ACTN1: variants seen among roughly 807,000 people sequenced by gnomAD.
ACTN1 encodes actinin alpha 1.
ACTN1 carries 30 observed loss-of-function variants against 119.6 expected under a neutral mutation model. That is an observed-to-expected ratio of 0.25 (90% confidence interval 0.19 to 0.34). ACTN1 has a LOEUF of 0.34. Among genes scored for constraint, ACTN1 ranks in the 10% least tolerant of loss-of-function variants. The pLI is 1.00. For synonymous variants in ACTN1, 429 were observed against 472.6 expected, an observed-to-expected ratio of 0.91 and a Z score of 1.20; for missense variants, 764 against 1,223.4, an observed-to-expected ratio of 0.62 and a Z score of 5.60.
chr14:68,931,234 G>A (rs1374641106), intron 1 of ACTN1, among the ~76,000 whole-genome samples: 1 of 152,216 alleles, frequency 6.6e-6, no homozygotes, highest in African/African-American at 2.4e-5. Flanking sequence ...AAATCCAGGG[G>A]ACCGCAGCCA....
At position 68,882,738 on chromosome 14, in the gene ACTN1, A is replaced by G; in HGVS notation, c.1818+135T>C. 2.0e-6 allele frequency: 3 copies of G among 1,504,816 alleles called. No homozygotes were observed. Among genetic ancestry groups the G allele is most frequent in the Non-Finnish European group, 2.7e-6 (3 of 1,107,506 alleles). 93.2% of individuals were successfully genotyped at this position (1,504,816 alleles called of 1,614,324 possible). A position where few individuals can be genotyped will look rare whatever the true frequency, so the allele number is the denominator to read the frequency against. ...GTCAACCTGTTCTGGAAACCCAGTC[A>G]TTTGACATTTGGACAAACAATGAGT... is the stretch of plus-strand genomic sequence containing the variant. On this transcript the variant is annotated intron_variant, in intron 15 of 21. Coordinates refer to ENST00000394419, the MANE Select transcript of ACTN1 (RefSeq NM_001130004.2). The surrounding 1 kb of genome is among the most constrained non-coding windows in gnomAD (Gnocchi z 4.5).
chr14:68,936,824 C>G (rs1175370239), intron 1 of ACTN1: 1 of 600,980 alleles, frequency 1.7e-6, no homozygotes, highest in African/African-American at 1.9e-5. Context: ...AATCCCAGAA[C>G]TGCTTCTGAT....
Position 68,874,974 on chromosome 14 carries a change from T to G in ACTN1, c.2630A>C (p.Asp877Ala), listed in dbSNP as rs1397466775. The part of the protein sequence containing the change: ...MDELRRELPP[D>A]QAEYCIARMA... ...CCGCGCGATGCAGTACTCAGCCTGG[T>G]CGGGTGGCAGCTCGCGGCGCAGCTC... The change falls in exon 22 of 22, where the codon GAC becomes GCC. Residue 877 changes from aspartate to alanine, a missense_variant. Asp to Ala is a moderately radical substitution (Grantham distance 126). Transcript: ENST00000394419. 7.4e-6 allele frequency: 12 copies of G among 1,613,636 alleles called. No homozygotes were observed. Among genetic ancestry groups the G allele is most frequent in the Non-Finnish European group, 1.0e-5 (12 of 1,180,002 alleles).
At chr14:68,926,590 C>A (rs962101368) in intron 1 of ACTN1, among the ~76,000 whole-genome samples, 1 of 152,224 alleles carries the variant, frequency 6.6e-6, no homozygotes. Flanking sequence ...GACTTCTCTG[C>A]ACCAAATGGC....
intron 1 of ACTN1, among the ~76,000 whole-genome samples, chr14:68,971,862 C>T (rs530000106): frequency 6.6e-6 from 1 of 152,320 alleles, no homozygotes; most frequent in South Asian, 2.1e-4. Context: ...CGCCCGATTT[C>T]CATCTTTGGC....
At chr14:68,896,779 C>T (rs566173501) in intron 8 of ACTN1, among the ~76,000 whole-genome samples, 2 of 152,260 alleles carry the variant, frequency 1.3e-5, no homozygotes, top group South Asian at 4.1e-4. Flanking sequence ...CAAGAAGAAC[C>T]AGGTGCCCTG....
intron 11 of ACTN1, chr14:68,886,370 C>T (rs1021546835): frequency 2.0e-5 from 3 of 152,330 alleles, no homozygotes; most frequent in Admixed American, 1.3e-4. Context: ...TTCTTTAAAA[C>T]AGAATGGTAA....
rs866545374 is a variant in ACTN1 at position 68,925,341 on chromosome 14, T to A, written c.220+217A>T. On this transcript the variant is annotated intron_variant, in intron 2 of 21. Transcript: ENST00000394419. The surrounding 1 kb of genome is among the most constrained non-coding windows in gnomAD (Gnocchi z 4.3). ...CCCTTTTTTTTTTTTTTTTTTTTTT[T>A]AAAACAAACAAGGATGCTGAAACAA... Among the ~76,000 whole-genome samples the A allele has an allele frequency of 2.2e-3, 278 of 123,906 alleles. 3 individuals are homozygous for A. Among genetic ancestry groups the A allele is most frequent in the South Asian group, 0.02 (88 of 4,396 alleles). The allele number at this position is 123,906 out of a possible 152,430, so 81.3% of individuals were successfully genotyped here.
rs779560260 is a variant in ACTN1, at chr14:68,884,153, G to C, written c.1635+15C>G. 6.2e-7 allele frequency: 1 copy of C among 1,607,354 alleles called. No homozygotes were observed. Among genetic ancestry groups the C allele is most frequent in the Admixed American group, 1.7e-5 (1 of 59,686 alleles). ...CCAGGGGAGCCAGCCTCCGGGGAGT[G>C]GAGGTGGGGCTCACCTGGATCTCCT... is the stretch of plus-strand genomic sequence containing the variant. On this transcript the variant is annotated intron_variant, in intron 14 of 21. Coordinates refer to ENST00000394419, the MANE Select transcript of ACTN1 (RefSeq NM_001130004.2).
rs562309021 is a variant in ACTN1 at position 68,903,809 on chromosome 14, C to A, written c.676+846G>T. 2.4e-4 allele frequency among the ~76,000 whole-genome samples: 36 copies of A among 152,254 alleles called. 1 individual carries two copies. The South Asian group carries it at 6.6e-3, about 28-fold the overall frequency. On this transcript the variant is annotated intron_variant, in intron 7 of 21. Transcript: ENST00000394419. ...CCTATGCTCCCAGATGCTTCCCTTC[C>A]CCCCACAGCCCCTGCTCACCCCATC... is the stretch of plus-strand genomic sequence containing the variant.
chr14:68,895,917 C>A (rs927856575), intron 8 of ACTN1, among the ~76,000 whole-genome samples: 3 of 152,138 alleles, frequency 2.0e-5, no homozygotes, highest in Non-Finnish European at 4.4e-5. Context: ...GGGGGAGATT[C>A]CGGGTGGGCC....
In ACTN1 at chr14:68,885,211, G is replaced by A. The variant is rs570429001; in HGVS notation, c.1385+214C>T. 2.5e-4 allele frequency among the ~76,000 whole-genome samples: 38 copies of A among 152,196 alleles called. 1 individual carries two copies. In the South Asian group the frequency reaches 6.6e-3, roughly 27 times the overall value. ...CTCTGCTCCTGTACTAGCTACAGGC[G>A]AGAACTGGTGGCCTTTAACAGGATG... is the stretch of plus-strand genomic sequence containing the variant. On this transcript the variant is annotated intron_variant, in intron 12 of 21. Coordinates refer to ENST00000394419, the MANE Select transcript of ACTN1 (RefSeq NM_001130004.2). The surrounding 1 kb of genome is among the most constrained non-coding windows in gnomAD (Gnocchi z 5.6).
intron 1 of ACTN1, among the ~76,000 whole-genome samples, chr14:68,950,294 C>CAAAAAAAAA (rs60899029): frequency 8.2e-6 from 1 of 121,524 alleles, no homozygotes; most frequent in Non-Finnish European, 1.8e-5. Flanking sequence ...GTTGTTGTCT[C>CAAAAAAAAA]AAAAAAAAAA....
At chr14:68,950,293 TCAAAA>T (rs1470014667) in intron 1 of ACTN1, among the ~76,000 whole-genome samples, 1 of 27,618 alleles carries the variant, frequency 3.6e-5, no homozygotes, top group African/African-American at 3.0e-4. Flanking sequence ...AGTTGTTGTC[TCAAAA>T]AAAAAAAAAA....
chr14:68,970,804 G>A (rs1385750297), intron 1 of ACTN1, among the ~76,000 whole-genome samples: 1 of 152,150 alleles, frequency 6.6e-6, no homozygotes, highest in Admixed American at 6.5e-5. Flanking sequence ...CCTTCACTGA[G>A]GCCTATGTCC....
intron 1 of ACTN1, among the ~76,000 whole-genome samples, chr14:68,948,196 G>A (rs1224978266): frequency 6.8e-6 from 1 of 148,106 alleles, no homozygotes; most frequent in Non-Finnish European, 1.5e-5. Context: ...AGGCACAACG[G>A]TGACAAAAGC....
At chr14:68,957,552 G>A (rs187080051) in intron 1 of ACTN1, among the ~76,000 whole-genome samples, 4 of 152,308 alleles carry the variant, frequency 2.6e-5, no homozygotes, top group Admixed American at 6.5e-5. Flanking sequence ...CTGAAGCCTC[G>A]CTCTCTATTT....
In ACTN1 at chr14:68,878,698, A is replaced by T; in HGVS notation, c.2362-175T>A. ...AGAAGATGCGAACACACATCGGTGGAAATGTCCAAAGACAGGAGGAAGACA... is the reference window on the plus strand; with the variant it reads ...AGAAGATGCGAACACACATCGGTGGTAATGTCCAAAGACAGGAGGAAGACA... On this transcript the variant is annotated intron_variant, in intron 19 of 21. Coordinates refer to ENST00000394419, the MANE Select transcript of ACTN1 (RefSeq NM_001130004.2). The surrounding 1 kb of genome is among the most constrained non-coding windows in gnomAD (Gnocchi z 4.4). The T allele has an allele frequency of 6.5e-7, 1 of 1,537,730 alleles. No homozygotes were observed. The highest frequency in any genetic ancestry group is 2.4e-5 in the East Asian group (1 of 40,848).
At chr14:68,977,799 G>GTCCC in intron 1 of ACTN1, 1 of 280,220 alleles carries the variant, frequency 3.6e-6, no homozygotes, top group East Asian at 1.3e-4. Context: ...GCGCCATCCT[G>GTCCC]TCCCCCCCCC....
Sources: gnomAD v4.1 joint callset for allele counts (sites outside exome capture counted in the v4.1 genomes callset) on GRCh38, gnomAD v4.1.1 for gene constraint, Gnocchi (gnomAD v3.1) non-coding constraint, MANE v1.5 for transcripts, NCBI Gene and HGNC (gene_info 2026-07-23, HGNC 2026-07-21) for gene names.